The following PRIM2 variants were observed in gnomAD, a reference collection of about 807,000 sequenced individuals.
PRIM2 encodes the protein DNA primase subunit 2.
PRIM2 carries 39 observed loss-of-function variants against 67.3 expected under a neutral mutation model. That is an observed-to-expected ratio of 0.58 (90% CI 0.45 to 0.76). The LOEUF (loss-of-function observed/expected upper bound fraction) is 0.76, where lower values mean the gene tolerates loss of function less well. Ranked by LOEUF, PRIM2 falls within the 30% of genes least tolerant of loss-of-function variation. The probability of loss-of-function intolerance (pLI) is 0.00; values close to 1 mark genes in which losing one functional copy is unlikely to be tolerated. For missense variants in PRIM2, 398 were observed against 598.7 expected, an observed-to-expected ratio of 0.66 and a Z score of 3.50; for synonymous variants, 143 against 198.7, an observed-to-expected ratio of 0.72 and a Z score of 2.36.
intron 7 of PRIM2, among the ~76,000 whole-genome samples, chr6:57,444,440 G>A (rs113618226): frequency 3.3e-5 from 5 of 151,890 alleles, no homozygotes; most frequent in African/African-American, 9.7e-5. Flanking sequence ...AGTGGCGCAC[G>A]CCTGTAATCC....
intron 10 of PRIM2, among the ~76,000 whole-genome samples, chr6:57,591,956 T>C (rs1776288855): frequency 6.6e-6 from 1 of 152,176 alleles, no homozygotes. Context: ...AAAGAAAATA[T>C]GGTACATATA....
upstream of PRIM2, among the ~76,000 whole-genome samples, chr6:57,311,188 C>CT (rs1225856472): frequency 2.0e-4 from 29 of 146,778 alleles, 1 homozygote; most frequent in African/African-American, 7.1e-4. Flanking sequence ...GGCAGAGGCG[C>CT]CCCTCACCTC....
chr6:57,386,418 A>AG (rs1491172960), intron 7 of PRIM2, among the ~76,000 whole-genome samples: 2 of 94,738 alleles, frequency 2.1e-5, no homozygotes, highest in African/African-American at 1.7e-4. Flanking sequence ...ACCCTGTCTC[A>AG]AAAAAAAAAA....
intron 7 of PRIM2, among the ~76,000 whole-genome samples, chr6:57,503,627 T>TA (rs1774190174): frequency 6.6e-6 from 1 of 152,134 alleles, no homozygotes; most frequent in African/African-American, 2.4e-5. Context: ...CACACACCTG[T>TA]AATCCTAGCT....
chr6:57,645,877 A>G (rs1245915028), intron 13 of PRIM2, 51 bp from the exon 14 acceptor site: 2 of 1,018,844 alleles, frequency 2.0e-6, no homozygotes, highest in Admixed American at 4.5e-5. Flanking sequence ...AAACTCATAT[A>G]TTTATAGCTT....
chr6:57,300,231 T>C, the PRIM2 span, among the ~76,000 whole-genome samples: 1 of 152,252 alleles, frequency 6.6e-6, no homozygotes, highest in East Asian at 1.9e-4. Flanking sequence ...TCAGCCCTTA[T>C]AGTTGCATCT....
intron 7 of PRIM2, among the ~76,000 whole-genome samples, chr6:57,423,720 T>C (rs1030067887): frequency 1.3e-5 from 2 of 152,242 alleles, no homozygotes; most frequent in African/African-American, 4.8e-5. Context: ...GTTGCCTTAG[T>C]AAACATCTCT....
At chr6:57,518,588 G>A (rs1774537743) in intron 8 of PRIM2, among the ~76,000 whole-genome samples, 1 of 152,060 alleles carries the variant, frequency 6.6e-6, no homozygotes, top group African/African-American at 2.4e-5. Flanking sequence ...GTGAATTATA[G>A]AAACTGTCAG....
chr6:57,299,601 G>T, the PRIM2 span, among the ~76,000 whole-genome samples: 12 of 152,116 alleles, frequency 7.9e-5, no homozygotes, highest in Non-Finnish European at 1.6e-4. Flanking sequence ...TTTGTTAAAT[G>T]AATCAATGGA....
At chr6:57,590,457 TTCC>T (rs1338376012) in intron 10 of PRIM2, among the ~76,000 whole-genome samples, 1 of 152,184 alleles carries the variant, frequency 6.6e-6, no homozygotes, top group East Asian at 1.9e-4. Context: ...GGATTCCTAA[TTCC>T]AAATAGCATG....
chr6:57,315,931 T>G (rs969802738), upstream of PRIM2, among the ~76,000 whole-genome samples: 3 of 152,194 alleles, frequency 2.0e-5, no homozygotes, highest in Non-Finnish European at 4.4e-5. Flanking sequence ...TGCTTTCAGG[T>G]GTCTTCTTTG....
intron 7 of PRIM2, among the ~76,000 whole-genome samples, chr6:57,420,240 C>T (rs926040986): frequency 2.6e-5 from 4 of 152,182 alleles, no homozygotes; most frequent in African/African-American, 7.2e-5. Flanking sequence ...CACAGTGGCT[C>T]GTGCCTGTAA....
intron 5 of PRIM2, among the ~76,000 whole-genome samples, chr6:57,377,685 G>A (rs1769814089): frequency 1.3e-5 from 2 of 152,002 alleles, no homozygotes; most frequent in African/African-American, 4.8e-5. Context: ...TGACTCCATT[G>A]AGTTTTAAAT....
At chr6:57,383,647 G>GT (rs1770038799) in intron 7 of PRIM2, 2 of 150,614 alleles carry the variant, frequency 1.3e-5, no homozygotes, top group South Asian at 4.2e-4. Context: ...TGTTGTAACT[G>GT]AATGTGATGC....
At chr6:57,235,313 A>C in the PRIM2 span, among the ~76,000 whole-genome samples, 1 of 152,078 alleles carries the variant, frequency 6.6e-6, no homozygotes, top group Non-Finnish European at 1.5e-5. Context: ...AAATGCAAAA[A>C]ATTAGCCAGG....
chr6:57,454,502 C>T (rs887373375), intron 7 of PRIM2, among the ~76,000 whole-genome samples: 1 of 152,276 alleles, frequency 6.6e-6, no homozygotes, highest in Admixed American at 6.5e-5. Flanking sequence ...CAACTTCTTA[C>T]TGGTTTAGAC....
intron 5 of PRIM2, 153 bp from the exon 6 acceptor site, chr6:57,379,748 G>C: frequency 3.0e-6 from 1 of 329,460 alleles, no homozygotes; most frequent in East Asian, 1.7e-4. Context: ...ACTAATGATA[G>C]TGATTCAGAT....
At chr6:57,543,628 T>A (rs1213576236) in intron 10 of PRIM2, among the ~76,000 whole-genome samples, 65 of 152,316 alleles carry the variant, frequency 4.3e-4, no homozygotes, top group African/African-American at 1.5e-3. Flanking sequence ...TTCCTAGATA[T>A]ACTGCCTGGA....
the PRIM2 span, among the ~76,000 whole-genome samples, chr6:57,287,865 A>G: frequency 6.6e-6 from 1 of 152,124 alleles, no homozygotes; most frequent in Admixed American, 6.5e-5. Flanking sequence ...TTGACACAGA[A>G]GACGGGTGAT....
Sources: allele counts gnomAD v4.1 joint callset (sites outside exome capture counted in the v4.1 genomes callset), GRCh38; gene constraint gnomAD v4.1.1; transcripts MANE v1.5; gene names NCBI Gene and HGNC (gene_info 2026-07-23, HGNC 2026-07-21).